UPF2: variants seen among roughly 807,000 people sequenced by gnomAD.
UPF2 encodes the protein UPF2 regulator of nonsense mediated mRNA decay, also known as regulator of nonsense transcripts 2.
Under a neutral mutation model 141.4 loss-of-function variants are expected in UPF2, and 17 were observed. The ratio of observed to expected loss-of-function variants is 0.12; its 90% CI spans 0.08 to 0.18. UPF2 has a LOEUF of 0.18. UPF2 is among the 10% of genes least tolerant of loss of function. UPF2 has a pLI of 1.00. For synonymous variants in UPF2, 540 were observed against 498.0 expected (o/e 1.08, Z -1.12); for missense variants, 1,152 against 1,515.9 (o/e 0.76, Z 3.99).
At chr10:12,022,027 C>T (rs1337078111) in intron 3 of UPF2, among the ~76,000 whole-genome samples, 5 of 152,022 alleles carry the variant, frequency 3.3e-5, no homozygotes, top group Admixed American at 6.6e-5. Context: ...GTAGTCCCAG[C>T]TACTCAGGAG....
chr10:12,015,755 A>G (rs1269727172), intron 3 of UPF2, among the ~76,000 whole-genome samples: 2 of 152,130 alleles, frequency 1.3e-5, no homozygotes, highest in Non-Finnish European at 2.9e-5. Context: ...AATATTTTCA[A>G]TTTTCCGAAT....
intron 9 of UPF2, among the ~76,000 whole-genome samples, chr10:11,978,269 C>T (rs10795914): frequency 0.39 from 59,748 of 152,066 alleles, 13,461 homozygotes; most frequent in Non-Finnish European, 0.51. Flanking sequence ...GCATTCTGAG[C>T]AACTTATGAT....
At chr10:12,011,993 GA>G (rs1054269883) in intron 4 of UPF2, among the ~76,000 whole-genome samples, 2 of 150,810 alleles carry the variant, frequency 1.3e-5, no homozygotes, top group African/African-American at 4.9e-5. Flanking sequence ...AAAATGAAAA[GA>G]AAAATTAGCT....
In UPF2 at chr10:11,999,917, G is replaced by C. The variant is rs139714172; in HGVS notation, c.1747C>G (p.Leu583Val). 5.0e-6 allele frequency: 8 copies of C among 1,613,644 alleles called. No individual in the cohort carries two copies. The highest frequency in any genetic ancestry group is 1.7e-4 in the Middle Eastern group (1 of 6,060). The change falls in exon 7 of 22, where the codon CTG becomes GTG. Residue 583 changes from leucine to valine, a missense_variant. Transcript: ENST00000357604. Reference protein sequence around the residue: ...QQLPNCVNRDLIDKAAMDFCM... With the variant: ...QQLPNCVNRDVIDKAAMDFCM... ...AGAGATACCAATACCTTGTCTATCA[G>C]ATCTCGGTTGACACAGTTGGGTAAC...
intron 9 of UPF2, among the ~76,000 whole-genome samples, chr10:11,975,507 TTTG>T (rs923569937): frequency 2.7e-4 from 41 of 152,306 alleles, no homozygotes; most frequent in Admixed American, 1.0e-3. Flanking sequence ...ATATAAAAAC[TTTG>T]TTGTTGTTGT....
In UPF2 at chr10:11,939,515, A is replaced by C. The variant is rs1346966686; in HGVS notation, c.3379-2803T>G. On this transcript the variant is annotated intron_variant, in intron 18 of 21. Coordinates refer to ENST00000357604, the MANE Select transcript of UPF2 (RefSeq NM_015542.4). This position sits in a 1 kb window ranked among gnomAD's most constrained non-coding sequence, Gnocchi z 4.8. The stretch of plus-strand genomic sequence containing the variant: ...TATTATTGTCAGTTTAAAATGTTTT[A>C]TCTTTTTTTTTTTTTAAGACGAAGT... 8.7e-6 allele frequency among the ~76,000 whole-genome samples: 1 copy of C among 115,540 alleles called. No individual in the cohort carries two copies. The highest frequency in any genetic ancestry group is 1.6e-5 in the Non-Finnish European group (1 of 60,954). 75.8% of individuals were successfully genotyped at this position (115,540 alleles called of 152,430 possible). A position where few individuals can be genotyped will look rare whatever the true frequency, so the allele number is the denominator to read the frequency against.
chr10:12,006,938 A>C (rs559201493), intron 4 of UPF2, among the ~76,000 whole-genome samples: 283 of 152,294 alleles, frequency 1.9e-3, no homozygotes, highest in Middle Eastern at 3.4e-3. Context: ...TAGAACTTTC[A>C]GCCCCACTCA....
rs1177603336 is a variant in UPF2 at position 12,035,358 on chromosome 10, T to C, written c.66A>G (p.Glu22=). Residue 22 remains glutamate (E), a synonymous_variant, in exon 2 of 22, where the codon GAA becomes GAG. Transcript: ENST00000357604. The part of the protein sequence containing the change: ...EEKDSLPNNK[E]KDCSERRTVS... ...CTGTCCGCCTTTCACTGCAGTCTTTTTCCTTGTTGTTTGGTAAAGAGTCTT... is the reference window on the plus strand; with the variant it reads ...CTGTCCGCCTTTCACTGCAGTCTTTCTCCTTGTTGTTTGGTAAAGAGTCTT... 1 of 1,603,018 alleles carries C rather than the reference T, an allele frequency of 6.2e-7. No individual in the cohort carries two copies. Among genetic ancestry groups the C allele is most frequent in the East Asian group, 2.2e-5 (1 of 44,834 alleles).
In UPF2 at chr10:11,936,530, C is replaced by T. The variant is rs758779534; in HGVS notation, c.3546+15G>A. On this transcript the variant is annotated intron_variant, in intron 19 of 21. Transcript: ENST00000357604. The surrounding 1 kb of genome is among the most constrained non-coding windows in gnomAD (Gnocchi z 6.6). ...CTCACAATCAGCTATAATTACAGGG[C>T]GGGCAGTTTCTTACCTGCTGTTTAT... 39 of 1,583,786 alleles carry T rather than the reference C, an allele frequency of 2.5e-5. No homozygotes were observed. Among genetic ancestry groups the T allele is most frequent in the South Asian group, 3.5e-5 (3 of 85,062 alleles).
chr10:12,011,122 C>A (rs1834119460), intron 4 of UPF2, among the ~76,000 whole-genome samples: 1 of 152,190 alleles, frequency 6.6e-6, no homozygotes, highest in Non-Finnish European at 1.5e-5. Context: ...GCTAGGACTA[C>A]AGGCTTGTGC....
chr10:11,963,760 T>G (rs1046600955), intron 11 of UPF2, among the ~76,000 whole-genome samples: 4 of 152,196 alleles, frequency 2.6e-5, no homozygotes, highest in African/African-American at 9.6e-5. Context: ...CTGCATCATT[T>G]GTTAAAAGTG....
intron 9 of UPF2, among the ~76,000 whole-genome samples, chr10:11,967,747 GTT>G (rs777759365): frequency 7.9e-5 from 12 of 151,716 alleles, no homozygotes; most frequent in Non-Finnish European, 1.0e-4. Context: ...TAGAGAAGGG[GTT>G]TCATCATGTT....
Position 11,936,627 on chromosome 10 carries a change from G to A in UPF2, c.3464C>T (p.Pro1155Leu). ...HLKSQLRKGP[P>L]LGGGEGEAES... ...AGCCTCTCCTTCCCCACCTCCCAGT[G>A]GGGGCCCTTTCCTCAGCTGGCTTTT... is the stretch of plus-strand genomic sequence containing the variant. The change falls in exon 19 of 22, where the codon CCA becomes CTA. Residue 1155 changes from proline to leucine, a missense_variant. Physicochemically the swap from Pro to Leu is moderately conservative, Grantham distance 98. Around this residue, in one of 4 missense-constraint regions of UPF2, gnomAD observed 202 missense variants for 223.6 expected, o/e 0.90. Transcript: ENST00000357604. The surrounding 1 kb of genome is among the most constrained non-coding windows in gnomAD (Gnocchi z 6.6). 1.2e-5 allele frequency: 20 copies of A among 1,613,442 alleles called. No individual in the cohort carries two copies. Among genetic ancestry groups the A allele is most frequent in the Non-Finnish European group, 1.7e-5 (20 of 1,179,746 alleles).
intron 1 of UPF2, chr10:12,035,763 A>AGGCAGAGGAAGAAT: frequency 5.4e-6 from 1 of 184,894 alleles, no homozygotes. Flanking sequence ...CAACTCCAAA[A>AGGCAGAGGAAGAAT]CAATATGTCA....
rs187447870 is a variant in UPF2 at position 11,925,593 on chromosome 10, T to G, written c.3809+4272A>C. Among the ~76,000 whole-genome samples the G allele has an allele frequency of 1.7e-4, 26 of 152,282 alleles. No individual in the cohort carries two copies. The East Asian group carries it at 4.8e-3, about 28-fold the overall frequency. On this transcript the variant is annotated intron_variant, in intron 21 of 21. Transcript: ENST00000357604. ...TCATCGCCTGTAATCTCATGGGGAA[T>G]AGAGACAAGCTAAGCGGCACTTAAG...
intron 4 of UPF2, among the ~76,000 whole-genome samples, chr10:12,012,096 A>G (rs1834138124): frequency 6.7e-6 from 1 of 149,262 alleles, no homozygotes; most frequent in African/African-American, 2.5e-5. Context: ...TTTGAGACGG[A>G]GTCTTGCCCA....
intron 7 of UPF2, among the ~76,000 whole-genome samples, chr10:11,999,532 A>C (rs10906045): frequency 0.35 from 38,003 of 109,436 alleles, 6,691 homozygotes; most frequent in South Asian, 0.48. Flanking sequence ...AAAAAAAAAA[A>C]ACACACACAA....
chr10:11,924,197 A>C lies in UPF2; in HGVS notation c.3810-2890T>G, dbSNP rs182482667. On this transcript the variant is annotated intron_variant, in intron 21 of 21. Coordinates refer to ENST00000357604, the MANE Select transcript of UPF2 (RefSeq NM_015542.4). Reference sequence around the variant, plus strand: ...TTATTTGTTAAAGGGCTGAAATTTTAATTTATGTCCTTATTTCAAGGATCT... The same window carrying C: ...TTATTTGTTAAAGGGCTGAAATTTTCATTTATGTCCTTATTTCAAGGATCT... Among the ~76,000 whole-genome samples, 23 of 152,348 alleles carry C rather than the reference A, an allele frequency of 1.5e-4. 1 individual carries two copies. In the East Asian group the frequency reaches 4.0e-3, roughly 27 times the overall value.
chr10:11,965,587 G>A (rs946530737), intron 10 of UPF2, among the ~76,000 whole-genome samples: 42 of 152,050 alleles, frequency 2.8e-4, no homozygotes, highest in Non-Finnish European at 4.7e-4. Flanking sequence ...AGCCTCCCAA[G>A]TAGCTGGGAC....
Sources: gnomAD v4.1 joint callset for allele counts (sites outside exome capture counted in the v4.1 genomes callset) on GRCh38, gnomAD v4.1.1 for gene constraint, gnomAD v4.1.1 regional missense constraint, Gnocchi (gnomAD v3.1) non-coding constraint, MANE v1.5 for transcripts, NCBI Gene and HGNC (gene_info 2026-07-23, HGNC 2026-07-21) for gene names.